The following AGPS variants were observed in gnomAD, a reference collection of about 807,000 sequenced individuals.
AGPS encodes the protein alkyldihydroxyacetonephosphate synthase, peroxisomal.
Under a neutral mutation model 90.7 loss-of-function variants are expected in AGPS, and 26 were observed. The ratio of observed to expected loss-of-function variants is 0.29; its 90% CI spans 0.21 to 0.40. AGPS has a LOEUF of 0.40. AGPS is among the 10% of genes least tolerant of loss of function. The probability of loss-of-function intolerance (pLI) is 1.00; values close to 1 mark genes in which losing one functional copy is unlikely to be tolerated. For missense variants in AGPS, 540 were observed against 816.1 expected (o/e 0.66, Z 4.12); for synonymous variants, 294 against 285.3 (o/e 1.03, Z -0.31).
chr2:177,432,172 T>A (rs1686262758), intron 2 of AGPS, among the ~76,000 whole-genome samples: 6 of 152,240 alleles, frequency 3.9e-5, no homozygotes, highest in Admixed American at 3.9e-4. Flanking sequence ...GAATTTTTTC[T>A]TTCCATGTAG....
intron 19 of AGPS, among the ~76,000 whole-genome samples, chr2:177,537,061 T>G (rs2079190724): frequency 6.6e-6 from 1 of 152,192 alleles, no homozygotes; most frequent in Non-Finnish European, 1.5e-5. Flanking sequence ...AATGACCGTT[T>G]GAATTCAATT....
At chr2:177,425,622 G>GAAA (rs1159060576) in intron 2 of AGPS, among the ~76,000 whole-genome samples, 41 of 95,114 alleles carry the variant, frequency 4.3e-4, no homozygotes, top group South Asian at 1.8e-3. Context: ...ACTCTGCCTA[G>GAAA]AAAAAAAAAA....
At position 177,520,346 on chromosome 2, in the gene AGPS, A is replaced by G. The variant is rs568890713; in HGVS notation, c.1698-923A>G. On this transcript the variant is annotated intron_variant, in intron 17 of 19. Transcript: ENST00000264167. ...AGAGATTATAATTTGCCCATTCTCTATCAATATGGATTTTTTAAATAATGA... is the reference window on the plus strand; with the variant it reads ...AGAGATTATAATTTGCCCATTCTCTGTCAATATGGATTTTTTAAATAATGA... 4.3e-3 allele frequency among the ~76,000 whole-genome samples: 662 copies of G among 152,346 alleles called. 1 individual carries two copies. Among genetic ancestry groups the G allele is most frequent in the Non-Finnish European group, 7.9e-3 (538 of 68,032 alleles).
rs532413437 is a variant in AGPS at position 177,420,520 on chromosome 2, T to C, written c.350+162T>C. ...CTCCTGGTAATATTTCAAATTCTGA[T>C]GTTGTCATGTCACCTCTAAATATAT... On this transcript the variant is annotated intron_variant, in intron 2 of 19. Coordinates refer to ENST00000264167, the MANE Select transcript of AGPS (RefSeq NM_003659.4). Among the ~76,000 whole-genome samples, 91 of 151,860 alleles carry C rather than the reference T, an allele frequency of 6.0e-4. No individual in the cohort carries two copies. The Middle Eastern group carries it at 0.01, about 17-fold the overall frequency.
chr2:177,403,996 A>G (rs1046659184), intron 1 of AGPS, among the ~76,000 whole-genome samples: 3 of 152,236 alleles, frequency 2.0e-5, no homozygotes, highest in Non-Finnish European at 4.4e-5. Context: ...GAGCATTGGA[A>G]TACATCATTC....
chr2:177,457,659 A>C (rs569283981), intron 8 of AGPS, among the ~76,000 whole-genome samples: 1 of 152,304 alleles, frequency 6.6e-6, no homozygotes, highest in East Asian at 1.9e-4. Flanking sequence ...TCAATAAACC[A>C]ATAAGAAGTC....
rs995684127 is a variant in AGPS, at chr2:177,435,049, C to T, written c.441+632C>T. On this transcript the variant is annotated intron_variant, in intron 3 of 19. Coordinates refer to ENST00000264167, the MANE Select transcript of AGPS (RefSeq NM_003659.4). ...TGTATGAAACTAATGAAATATTTAG[C>T]GTTTCTTTTTATTATTTTTGTTGTG... Among the ~76,000 whole-genome samples the T allele has an allele frequency of 4.5e-5, 6 of 133,852 alleles. No homozygotes were observed. The South Asian group carries it at 7.2e-4, about 16-fold the overall frequency. 87.8% of individuals were successfully genotyped at this position (133,852 alleles called of 152,430 possible).
intron 10 of AGPS, among the ~76,000 whole-genome samples, chr2:177,472,732 T>G (rs1687665819): frequency 6.6e-6 from 1 of 152,164 alleles, no homozygotes; most frequent in African/African-American, 2.4e-5. Flanking sequence ...GTGTTTTTAG[T>G]GAAGGAAGAA....
intron 10 of AGPS, among the ~76,000 whole-genome samples, chr2:177,472,137 A>G (rs1347810515): frequency 6.7e-6 from 1 of 148,956 alleles, no homozygotes; most frequent in Non-Finnish European, 1.5e-5. Flanking sequence ...TCATTGTTTC[A>G]GTTTTCATCC....
intron 14 of AGPS, among the ~76,000 whole-genome samples, chr2:177,502,256 T>C (rs1450368334): frequency 6.6e-6 from 1 of 152,280 alleles, no homozygotes; most frequent in South Asian, 2.1e-4. Context: ...TCTCATTTTT[T>C]TTTTTTGCTG....
chr2:177,469,596 A>G (rs1234033014), intron 10 of AGPS, among the ~76,000 whole-genome samples: 1 of 152,202 alleles, frequency 6.6e-6, no homozygotes, highest in Non-Finnish European at 1.5e-5. Flanking sequence ...TATATTTGTA[A>G]TAAGAAAAAT....
chr2:177,501,214 G>C (rs1559074267), intron 14 of AGPS, among the ~76,000 whole-genome samples: 1 of 152,024 alleles, frequency 6.6e-6, no homozygotes, highest in Non-Finnish European at 1.5e-5. Flanking sequence ...TGTATATAGA[G>C]TTAAATTTGC....
chr2:177,502,916 CAA>C, intron 14 of AGPS, among the ~76,000 whole-genome samples: 1 of 152,238 alleles, frequency 6.6e-6, no homozygotes, highest in African/African-American at 2.4e-5. Flanking sequence ...CATAACAAGA[CAA>C]AAGAAAGCAC....
Position 177,436,796 on chromosome 2 carries a change from T to A in AGPS, c.474T>A (p.Ser158=). ...TAAATCCTAGTGATACACCTCCTTC[T>A]GTTGTAAATGAAGATTTTCTTCATG... The part of the protein sequence containing the change: ...ASLNPSDTPP[S]VVNEDFLHDL... Residue 158 remains serine (S), a synonymous_variant, in exon 4 of 20, where the codon TCT becomes TCA. Transcript: ENST00000264167. 1.3e-5 allele frequency: 21 copies of A among 1,611,186 alleles called. No individual in the cohort carries two copies. The highest frequency in any genetic ancestry group is 1.6e-5 in the Non-Finnish European group (19 of 1,178,008).
At chr2:177,421,775 A>C (rs949202027) in intron 2 of AGPS, among the ~76,000 whole-genome samples, 1 of 152,158 alleles carries the variant, frequency 6.6e-6, no homozygotes, top group African/African-American at 2.4e-5. Flanking sequence ...CGGCTTTTCA[A>C]AATCTTCTGA....
rs1171071969 is a variant in AGPS at position 177,499,538 on chromosome 2, G to C, written c.1363-80G>C. ...AGTGTATTTGAGCCCAGATCAGAAGGAAAAGAGCAAAATGTATTTTGATTT... is the reference window on the plus strand; with the variant it reads ...AGTGTATTTGAGCCCAGATCAGAAGCAAAAGAGCAAAATGTATTTTGATTT... On this transcript the variant is annotated intron_variant, in intron 13 of 19. Transcript: ENST00000264167. The C allele has an allele frequency of 5.0e-6, 5 of 990,164 alleles. No homozygotes were observed. The East Asian group carries it at 7.9e-5, about 16-fold the overall frequency. The allele number at this position is 990,164 out of a possible 1,614,324, so 61.3% of individuals were successfully genotyped here.
chr2:177,501,954 G>A (rs1688573919), intron 14 of AGPS, among the ~76,000 whole-genome samples: 1 of 152,082 alleles, frequency 6.6e-6, no homozygotes, highest in South Asian at 2.1e-4. Context: ...GCATTATTTT[G>A]TCAGTTTTAA....
intron 12 of AGPS, among the ~76,000 whole-genome samples, chr2:177,495,406 C>T (rs1688381647): frequency 6.6e-6 from 1 of 152,102 alleles, no homozygotes; most frequent in South Asian, 2.1e-4. Context: ...GACTACGGTC[C>T]ACAAATCATA....
chr2:177,408,391 A>T (rs973084326), intron 1 of AGPS, among the ~76,000 whole-genome samples: 3 of 152,204 alleles, frequency 2.0e-5, no homozygotes, highest in African/African-American at 7.2e-5. Flanking sequence ...TAATTTTTAT[A>T]CTTTTTAAGA....
Sources: gnomAD v4.1 joint callset for allele counts (sites outside exome capture counted in the v4.1 genomes callset) on GRCh38, gnomAD v4.1.1 for gene constraint, MANE v1.5 for transcripts, NCBI Gene and HGNC (gene_info 2026-07-23, HGNC 2026-07-21) for gene names.